Variants in DMD observed in about 807,000 individuals in gnomAD.
DMD encodes the protein dystrophin.
In DMD, 63 loss-of-function variants were observed where a neutral mutation model predicts 330.1. The ratio of observed to expected loss-of-function variants is 0.19; its 90% CI spans 0.16 to 0.24. DMD has a LOEUF of 0.24. DMD is among the 10% of genes least tolerant of loss of function. DMD has a pLI of 1.00. For missense variants in DMD, 3,344 were observed against 2,684.1 expected, an observed-to-expected ratio of 1.25 and a Z score of -5.43; for synonymous variants, 1,223 against 959.8, an observed-to-expected ratio of 1.27 and a Z score of -5.07.
chrX:33,299,966 A>G (rs1051952364), intron 1 of DMD, among the ~76,000 whole-genome samples: 7 of 111,829 alleles, frequency 6.3e-5, no homozygotes, highest in Non-Finnish European at 1.3e-4. Context: ...TCTAAACTGT[A>G]TCCACTAGAG....
intron 19 of DMD, among the ~76,000 whole-genome samples, chrX:32,500,956 T>C (rs1242794742): frequency 8.9e-6 from 1 of 112,257 alleles, no homozygotes; most frequent in African/African-American, 3.2e-5. Context: ...GTTGTATTTA[T>C]TTATGATGTT....
At chrX:33,309,965 C>T (rs2053824621) in intron 1 of DMD, among the ~76,000 whole-genome samples, 1 of 110,489 alleles carries the variant, frequency 9.1e-6, no homozygotes, top group Admixed American at 9.7e-5. Context: ...TGGTCTTATC[C>T]ATGTCTGAAA....
intron 41 of DMD, among the ~76,000 whole-genome samples, chrX:32,316,331 T>C (rs2097582295): frequency 8.9e-6 from 1 of 112,241 alleles, no homozygotes; most frequent in African/African-American, 3.2e-5. Context: ...AAATTTTTCT[T>C]TCCATTATAA....
intron 45 of DMD, among the ~76,000 whole-genome samples, chrX:31,944,256 A>G (rs369957907): frequency 3.1e-3 from 342 of 111,360 alleles, no homozygotes; most frequent in Middle Eastern, 0.023. Flanking sequence ...AGGCTACATG[A>G]TGCGAGATAT....
intron 60 of DMD, among the ~76,000 whole-genome samples, chrX:31,411,144 A>G (rs2061627292): frequency 9.0e-6 from 1 of 110,820 alleles, no homozygotes; most frequent in Non-Finnish European, 1.9e-5. Flanking sequence ...GCAGAAAAAC[A>G]TGCTCTGTGA....
intron 2 of DMD, among the ~76,000 whole-genome samples, chrX:32,955,672 T>C (rs1353686902): frequency 8.9e-6 from 1 of 111,873 alleles, no homozygotes; most frequent in Admixed American, 9.5e-5. Flanking sequence ...TAGTTTGAGG[T>C]TTTATATTTA....
chrX:33,189,022 G>A (rs992301153), intron 1 of DMD, among the ~76,000 whole-genome samples: 40 of 111,067 alleles, frequency 3.6e-4, no homozygotes, highest in African/African-American at 1.3e-3. Flanking sequence ...AGTCTACTGT[G>A]GTATTTTGTT....
chrX:31,777,241 T>C (rs2090726089), intron 50 of DMD, among the ~76,000 whole-genome samples: 1 of 111,589 alleles, frequency 9.0e-6, no homozygotes, highest in Non-Finnish European at 1.9e-5. Flanking sequence ...ATTTTAGCTA[T>C]TTTCACGAGA....
intron 13 of DMD, among the ~76,000 whole-genome samples, chrX:32,587,790 G>A (rs1325888208): frequency 1.8e-5 from 2 of 111,264 alleles, no homozygotes; most frequent in Non-Finnish European, 1.9e-5. Flanking sequence ...GAATGCTCTG[G>A]GCTGATGATG....
chrX:31,183,065 C>A, intron 67 of DMD, 161 bp from the exon 68 acceptor site: 1 of 469,624 alleles, frequency 2.1e-6, no homozygotes, highest in Admixed American at 3.7e-5. Context: ...CTTGTTTCTG[C>A]AAATGCTCCC....
chrX:32,995,668 G>C (rs2093099586), intron 2 of DMD, among the ~76,000 whole-genome samples: 1 of 112,230 alleles, frequency 8.9e-6, no homozygotes, highest in Non-Finnish European at 1.9e-5. Context: ...TCTATTCATA[G>C]ACTTGTATGG....
chrX:32,811,995 G>A (rs2077401795), intron 6 of DMD, among the ~76,000 whole-genome samples: 2 of 111,733 alleles, frequency 1.8e-5, no homozygotes, highest in Admixed American at 9.5e-5. Flanking sequence ...CAAGTGGTGG[G>A]AGATAGGTTT....
chrX:31,371,346 T>A (rs1235491238), intron 60 of DMD, among the ~76,000 whole-genome samples: 2 of 111,648 alleles, frequency 1.8e-5, no homozygotes, highest in Non-Finnish European at 3.8e-5. Context: ...TTTTCAAGAA[T>A]CTAGAAGCTT....
chrX:32,925,960 G>T (rs977673538), intron 2 of DMD, among the ~76,000 whole-genome samples: 5 of 111,866 alleles, frequency 4.5e-5, no homozygotes, highest in Non-Finnish European at 7.5e-5. Context: ...GTATCCCAAA[G>T]AAATGAAATC....
chrX:32,714,393 A>T (rs956399992), intron 7 of DMD, among the ~76,000 whole-genome samples: 3 of 111,497 alleles, frequency 2.7e-5, no homozygotes, highest in Non-Finnish European at 5.7e-5. Flanking sequence ...CCCATTGATT[A>T]GTTACCACTT....
chrX:32,817,921 G>C (rs942583047), intron 5 of DMD, among the ~76,000 whole-genome samples: 1 of 112,000 alleles, frequency 8.9e-6, no homozygotes, highest in African/African-American at 3.2e-5. Flanking sequence ...ATCTTTGCAT[G>C]TATCTGTCAC....
intron 75 of DMD, 29 bp from the exon 76 acceptor site, chrX:31,146,443 C>G (rs1325408867): frequency 8.4e-7 from 1 of 1,193,504 alleles, no homozygotes; most frequent in African/African-American, 1.8e-5. Context: ...AACAGAATTA[C>G]TTTTCATAAT....
intron 30 of DMD, among the ~76,000 whole-genome samples, chrX:32,404,927 C>T (rs1346499413): frequency 9.0e-6 from 1 of 111,401 alleles, no homozygotes; most frequent in Non-Finnish European, 1.9e-5. Context: ...TAGCTCTCAG[C>T]TATATTTTCT....
intron 44 of DMD, among the ~76,000 whole-genome samples, chrX:32,117,098 T>A (rs2096614023): frequency 9.0e-6 from 1 of 111,402 alleles, no homozygotes; most frequent in African/African-American, 3.3e-5. Context: ...AATTTCCTCA[T>A]GTTTCTAAGC....
Sources: allele counts gnomAD v4.1 joint callset (sites outside exome capture counted in the v4.1 genomes callset), GRCh38; gene constraint gnomAD v4.1.1; transcripts MANE v1.5; gene names NCBI Gene and HGNC (gene_info 2026-07-23, HGNC 2026-07-21).